Variants in ADCY9 observed in about 807,000 individuals in gnomAD.
ADCY9 encodes the protein adenylate cyclase type 9.
Under a neutral mutation model 101.5 loss-of-function variants are expected in ADCY9, and 50 were observed. The observed-to-expected ratio is 0.49, with a 90% CI of 0.39 to 0.62. The LOEUF (loss-of-function observed/expected upper bound fraction) is 0.62, where lower values mean the gene tolerates loss of function less well. Among genes scored for constraint, ADCY9 ranks in the 20% least tolerant of loss-of-function variants. The pLI is 0.00. For synonymous variants in ADCY9, 905 were observed against 769.3 expected (o/e 1.18, Z -2.92); for missense variants, 1,662 against 1,800.4 (o/e 0.92, Z 1.39).
chr16:4,074,691 T>G (rs2056856077), intron 2 of ADCY9, among the ~76,000 whole-genome samples: 2 of 128,060 alleles, frequency 1.6e-5, no homozygotes, highest in East Asian at 4.7e-4. Context: ...TACCCCAGTC[T>G]GGATGACAGG....
At position 4,013,392 on chromosome 16, in the gene ADCY9, G is replaced by C. The variant is rs1416926862; in HGVS notation, c.1694-5834C>G. Among the ~76,000 whole-genome samples, 7 of 152,166 alleles carry C rather than the reference G, an allele frequency of 4.6e-5. 1 individual carries two copies. The South Asian group carries it at 1.5e-3, about 32-fold the overall frequency. On this transcript the variant is annotated intron_variant, in intron 2 of 10. Coordinates refer to ENST00000294016, the MANE Select transcript of ADCY9 (RefSeq NM_001116.4). ...GCTGAGATCGTGCCATTGCACTTCA[G>C]CCTGGGCAACAAGAGTGAAACTCCG...
Position 3,966,905 on chromosome 16 carries a change from T to C in ADCY9, c.2932A>G (p.Ile978Val). ...PRDLRRPASL[I>V]GQEVVLVFFL... ...AAGACGAGAACCACCTCCTGGCCGA[T>C]GAGGCTGGCGGGCCGCCGGAGGTCA... Residue 978 changes from isoleucine (I) to valine (V), a missense_variant, in exon 11 of 11, where the codon ATC becomes GTC. This residue lies in a region of ADCY9 where 624 missense variants were observed against 639.1 expected (regional missense o/e 0.98). Coordinates refer to ENST00000294016, the MANE Select transcript of ADCY9 (RefSeq NM_001116.4). 9.3e-6 allele frequency: 15 copies of C among 1,613,994 alleles called. No individual in the cohort carries two copies. The highest frequency in any genetic ancestry group is 1.2e-5 in the Non-Finnish European group (14 of 1,180,028).
chr16:4,010,610 G>A (rs1287075232), intron 2 of ADCY9, among the ~76,000 whole-genome samples: 1 of 152,188 alleles, frequency 6.6e-6, no homozygotes, highest in East Asian at 1.9e-4. Context: ...CCTGTGTGGA[G>A]CCCATTACCT....
At chr16:4,011,594 C>T (rs552005461) in intron 2 of ADCY9, among the ~76,000 whole-genome samples, 1 of 152,314 alleles carries the variant, frequency 6.6e-6, no homozygotes, top group Non-Finnish European at 1.5e-5. Flanking sequence ...GGCCTGGCTG[C>T]TGGAGGGGGC....
intron 6 of ADCY9, among the ~76,000 whole-genome samples, chr16:3,987,159 C>T (rs28429509): frequency 1.3e-5 from 2 of 152,224 alleles, no homozygotes; most frequent in East Asian, 1.9e-4. Flanking sequence ...GGAGTTCCCC[C>T]CTTGGAGCCC....
At chr16:4,097,267 C>G (rs749574128) in intron 2 of ADCY9, among the ~76,000 whole-genome samples, 5 of 151,810 alleles carry the variant, frequency 3.3e-5, no homozygotes, top group Non-Finnish European at 7.4e-5. Flanking sequence ...AGGCACCATG[C>G]GCTGGTCAGC....
chr16:4,060,235 G>C lies in ADCY9; in HGVS notation c.1694-52677C>G, dbSNP rs370198385. Among the ~76,000 whole-genome samples, 9 of 152,190 alleles carry C rather than the reference G, an allele frequency of 5.9e-5. No individual in the cohort carries two copies. The South Asian group carries it at 1.9e-3, about 31-fold the overall frequency. The stretch of plus-strand genomic sequence containing the variant: ...GATCAGGAGACCAGCCAAAAACCTA[G>C]CCGGAAGATACAGAGAATAAGGGAG... On this transcript the variant is annotated intron_variant, in intron 2 of 10. Transcript: ENST00000294016.
Position 3,967,624 on chromosome 16 carries a change from T to C in ADCY9, c.2871-658A>G, listed in dbSNP as rs186327290. 1.2e-3 allele frequency among the ~76,000 whole-genome samples: 186 copies of C among 151,866 alleles called. No individual in the cohort carries two copies. The Middle Eastern group carries it at 0.014, about 11-fold the overall frequency. ...CCAAGGCTGGTCTTAAACTCGTAAC[T>C]TCAAGCCATCCTCCCACCTTGGCCT... is the stretch of plus-strand genomic sequence containing the variant. On this transcript the variant is annotated intron_variant, in intron 10 of 10. Coordinates refer to ENST00000294016, the MANE Select transcript of ADCY9 (RefSeq NM_001116.4).
rs1489318163 is a variant in ADCY9 at position 4,113,783 on chromosome 16, G to A, written c.1660C>T (p.Leu554=). 1.9e-6 allele frequency: 3 copies of A among 1,613,730 alleles called. No homozygotes were observed. The highest frequency in any genetic ancestry group is 2.7e-5 in the African/African-American group (2 of 74,886). The stretch of plus-strand genomic sequence containing the variant: ...TGGTCAGCAACCACGCTCTGGCCCA[G>A]CCGTTCAATAACTTTCCCATCTTCC... ...EMEDGKVIER[L]GQSVVADQLK... is the part of the protein sequence containing the mutation. Residue 554 remains leucine (L), a synonymous_variant, in exon 2 of 11, where the codon CTG becomes TTG. Transcript: ENST00000294016.
At chr16:4,039,813 C>A (rs1464465357) in intron 2 of ADCY9, among the ~76,000 whole-genome samples, 1 of 151,898 alleles carries the variant, frequency 6.6e-6, no homozygotes, top group Non-Finnish European at 1.5e-5. Context: ...TCGAGGCAGG[C>A]GGATCGTTTG....
At chr16:4,054,522 G>A (rs1427574424) in intron 2 of ADCY9, among the ~76,000 whole-genome samples, 2 of 152,002 alleles carry the variant, frequency 1.3e-5, no homozygotes, top group East Asian at 1.9e-4. Flanking sequence ...TATTAGATAC[G>A]GGAAGCACCT....
intron 2 of ADCY9, among the ~76,000 whole-genome samples, chr16:4,076,173 G>A (rs991065983): frequency 6.6e-6 from 1 of 152,296 alleles, no homozygotes; most frequent in East Asian, 1.9e-4. Context: ...CCACTGTACT[G>A]CAGCCTGTGC....
At chr16:3,968,156 CT>C (rs549798529) in intron 10 of ADCY9, among the ~76,000 whole-genome samples, 1 of 151,202 alleles carries the variant, frequency 6.6e-6, no homozygotes, top group African/African-American at 2.4e-5. Context: ...TCTTAGATTT[CT>C]TTTTTTTTGA....
chr16:4,036,864 C>T (rs2056593707), intron 2 of ADCY9, among the ~76,000 whole-genome samples: 1 of 152,026 alleles, frequency 6.6e-6, no homozygotes, highest in Admixed American at 6.6e-5. Flanking sequence ...CATGATGGTA[C>T]CCTTTAACCG....
intron 2 of ADCY9, among the ~76,000 whole-genome samples, chr16:4,025,416 G>A (rs927593359): frequency 6.6e-6 from 1 of 150,720 alleles, no homozygotes. Flanking sequence ...GAACGCTGCA[G>A]AGAGAAGATG....
Position 4,059,735 on chromosome 16 carries a change from G to GA in ADCY9, c.1694-52178dup, listed in dbSNP as rs564968312. Among the ~76,000 whole-genome samples, 826 of 152,088 alleles carry GA rather than the reference G, an allele frequency of 5.4e-3. 1 individual carries two copies. The highest frequency in any genetic ancestry group is 8.1e-3 in the Admixed American group (124 of 15,258). ...CAACATATCAAGACCCCGTCTCAAC[G>GA]AAAAACAAAAAAGTCAGCCTGGCGT... On this transcript the variant is annotated intron_variant, in intron 2 of 10. Coordinates refer to ENST00000294016, the MANE Select transcript of ADCY9 (RefSeq NM_001116.4).
chr16:4,024,783 C>T (rs954309903), intron 2 of ADCY9, among the ~76,000 whole-genome samples: 9 of 152,046 alleles, frequency 5.9e-5, no homozygotes, highest in African/African-American at 2.2e-4. Context: ...GCCTTCAGTA[C>T]GTGGACGGAT....
At chr16:4,078,884 T>G (rs1186746774) in intron 2 of ADCY9, among the ~76,000 whole-genome samples, 3 of 152,028 alleles carry the variant, frequency 2.0e-5, no homozygotes, top group African/African-American at 7.3e-5. Context: ...CATGAAGAAA[T>G]ACAAAAGGGC....
chr16:4,007,452 G>T lies in ADCY9; in HGVS notation c.1800C>A (p.Ser600=). 6.2e-7 allele frequency: 1 copy of T among 1,614,068 alleles called. No individual in the cohort carries two copies. The highest frequency in any genetic ancestry group is 1.3e-5 in the African/African-American group (1 of 75,026). The part of the protein sequence containing the change: ...GFEVIDGSQV[S]SGPRGQGTAS... ...CTGTCCCCTGTCCCCTAGGGCCTGA[G>T]GACACCTGTGAGCCGTCAATGACCT... Residue 600 remains serine (S), a synonymous_variant, in exon 3 of 11, where the codon TCC becomes TCA. Transcript: ENST00000294016.
Sources: gnomAD v4.1 joint callset for allele counts (sites outside exome capture counted in the v4.1 genomes callset) on GRCh38, gnomAD v4.1.1 for gene constraint, gnomAD v4.1.1 regional missense constraint, MANE v1.5 for transcripts, NCBI Gene and HGNC (gene_info 2026-07-23, HGNC 2026-07-21) for gene names.